AGBL1: variants seen among roughly 807,000 people sequenced by gnomAD.
AGBL1 encodes cytosolic carboxypeptidase 4.
A neutral mutation model predicts 118.9 loss-of-function variants in AGBL1; 130 were observed. The observed-to-expected ratio is 1.09, with a 90% CI of 0.95 to 1.26. The LOEUF is 1.26. AGBL1 is among the 50% of genes most tolerant of loss of function. The probability of loss-of-function intolerance (pLI) is 0.00; values close to 1 mark genes in which losing one functional copy is unlikely to be tolerated. For missense variants in AGBL1, 1,584 were observed against 1,298.1 expected (o/e 1.22, Z -3.38); for synonymous variants, 555 against 478.9 (o/e 1.16, Z -2.08).
intron 22 of AGBL1, among the ~76,000 whole-genome samples, chr15:86,765,965 C>T (rs78119001): frequency 0.064 from 9,742 of 151,942 alleles, 381 homozygotes; most frequent in South Asian, 0.13. Flanking sequence ...ACCTTTAGCT[C>T]TCCATCACCC....
At chr15:86,690,814 G>C (rs1261446717) in intron 22 of AGBL1, among the ~76,000 whole-genome samples, 1 of 152,074 alleles carries the variant, frequency 6.6e-6, no homozygotes, top group East Asian at 1.9e-4. Flanking sequence ...AATAGCATGG[G>C]TGCTGAATTG....
intron 5 of AGBL1, among the ~76,000 whole-genome samples, chr15:86,159,405 C>G (rs1361046218): frequency 6.6e-6 from 1 of 152,080 alleles, no homozygotes; most frequent in Non-Finnish European, 1.5e-5. Flanking sequence ...TTACTCGCAG[C>G]AAATCTACCA....
chr15:87,012,177 G>A (rs1366201498), intron 24 of AGBL1, among the ~76,000 whole-genome samples: 1 of 139,434 alleles, frequency 7.2e-6, no homozygotes, highest in Non-Finnish European at 1.5e-5. Context: ...ACTTTTCTTT[G>A]TATATACAAA....
intron 6 of AGBL1, among the ~76,000 whole-genome samples, chr15:86,245,629 CTGTTT>C (rs1419459623): frequency 4.6e-5 from 7 of 152,190 alleles, no homozygotes; most frequent in Admixed American, 2.6e-4. Flanking sequence ...TCTTCTTCCT[CTGTTT>C]TAAGTCCGTA....
At chr15:86,737,711 G>A (rs985208245) in intron 22 of AGBL1, among the ~76,000 whole-genome samples, 1 of 152,074 alleles carries the variant, frequency 6.6e-6, no homozygotes, top group African/African-American at 2.4e-5. Context: ...CTGCTGCTCT[G>A]CTCCTTTTAT....
chr15:86,356,378 G>A (rs551964053), intron 17 of AGBL1, among the ~76,000 whole-genome samples: 6 of 152,068 alleles, frequency 3.9e-5, no homozygotes, highest in Admixed American at 1.3e-4. Context: ...GCACGCACGC[G>A]CATGTGTCAG....
intron 17 of AGBL1, among the ~76,000 whole-genome samples, chr15:86,328,756 C>T (rs576048226): frequency 1.3e-5 from 2 of 152,240 alleles, no homozygotes; most frequent in East Asian, 3.9e-4. Context: ...TGAGAGAGAG[C>T]ATTTTGTTTC....
intron 22 of AGBL1, among the ~76,000 whole-genome samples, chr15:86,821,502 CCAA>C (rs1448384457): frequency 2.6e-5 from 4 of 151,864 alleles, no homozygotes; most frequent in African/African-American, 9.7e-5. Flanking sequence ...GAATACAAGA[CCAA>C]GTTTTAAAAA....
At chr15:86,759,571 G>C (rs1434161094) in intron 22 of AGBL1, among the ~76,000 whole-genome samples, 1 of 151,958 alleles carries the variant, frequency 6.6e-6, no homozygotes, top group African/African-American at 2.4e-5. Context: ...GACTTGCTTT[G>C]GCTTTCCTCC....
chr15:86,218,819 C>T (rs1413185388), intron 5 of AGBL1, among the ~76,000 whole-genome samples: 1 of 152,156 alleles, frequency 6.6e-6, no homozygotes, highest in East Asian at 1.9e-4. Flanking sequence ...AGGTATTTTA[C>T]CAAGAACCTG....
chr15:86,712,714 G>T (rs980887086), intron 22 of AGBL1, among the ~76,000 whole-genome samples: 1 of 152,158 alleles, frequency 6.6e-6, no homozygotes, highest in African/African-American at 2.4e-5. Flanking sequence ...CTTTTGTAAG[G>T]TGCTGATTGG....
intron 22 of AGBL1, among the ~76,000 whole-genome samples, chr15:86,840,929 A>G (rs2079236185): frequency 1.3e-5 from 2 of 152,192 alleles, no homozygotes; most frequent in Admixed American, 6.5e-5. Flanking sequence ...AAGGTGCACA[A>G]TCTTTCTACT....
intron 17 of AGBL1, among the ~76,000 whole-genome samples, chr15:86,310,803 C>A (rs1375091245): frequency 6.6e-6 from 1 of 152,070 alleles, no homozygotes; most frequent in Non-Finnish European, 1.5e-5. Flanking sequence ...ACTGGGATGA[C>A]CATATTCTCT....
intron 22 of AGBL1, among the ~76,000 whole-genome samples, chr15:86,780,719 T>G (rs1379977282): frequency 6.6e-6 from 1 of 150,724 alleles, no homozygotes; most frequent in Non-Finnish European, 1.5e-5. Context: ...TGGAGCTCAG[T>G]GGCGTGATAT....
At chr15:86,669,078 T>G (rs1428036398) in intron 21 of AGBL1, among the ~76,000 whole-genome samples, 1 of 151,816 alleles carries the variant, frequency 6.6e-6, no homozygotes, top group Non-Finnish European at 1.5e-5. Context: ...CTAACACCAA[T>G]CTACAAAAAC....
intron 18 of AGBL1, among the ~76,000 whole-genome samples, chr15:86,450,757 A>G (rs2082183198): frequency 1.3e-5 from 2 of 152,238 alleles, no homozygotes; most frequent in Admixed American, 6.5e-5. Context: ...CAACACCCAT[A>G]TCACATGTTT....
chr15:86,489,400 A>T (rs909783132), intron 18 of AGBL1, among the ~76,000 whole-genome samples: 1 of 152,126 alleles, frequency 6.6e-6, no homozygotes, highest in Non-Finnish European at 1.5e-5. Context: ...ATTTCCACAT[A>T]TATCATCTGA....
intron 22 of AGBL1, among the ~76,000 whole-genome samples, chr15:86,687,719 G>A (rs563842344): frequency 1.3e-5 from 2 of 152,190 alleles, no homozygotes; most frequent in African/African-American, 4.8e-5. Context: ...AAATCTGCAC[G>A]TTTTTGTTGA....
intron 23 of AGBL1, among the ~76,000 whole-genome samples, chr15:86,980,886 T>A (rs2081225343): frequency 1.3e-5 from 1 of 78,372 alleles, no homozygotes; most frequent in South Asian, 3.6e-4. Context: ...AGAAACATCC[T>A]TTTTTTTTTT....
Sources: allele counts gnomAD v4.1 joint callset (sites outside exome capture counted in the v4.1 genomes callset), GRCh38; gene constraint gnomAD v4.1.1; transcripts MANE v1.5; gene names NCBI Gene and HGNC (gene_info 2026-07-23, HGNC 2026-07-21).